Variants in LAMB4 observed in about 807,000 individuals in gnomAD.
LAMB4 encodes the protein laminin subunit beta-4.
In LAMB4, 196 loss-of-function variants were observed where a neutral mutation model predicts 199.2. The observed-to-expected ratio is 0.98, with a 90% CI of 0.88 to 1.11. The LOEUF (loss-of-function observed/expected upper bound fraction) is 1.11, where lower values mean the gene tolerates loss of function less well. Among genes scored for constraint, LAMB4 ranks in the 50% least tolerant of loss-of-function variants. The pLI is 0.00. For missense variants in LAMB4, 2,080 were observed against 2,171.2 expected, an observed-to-expected ratio of 0.96 and a Z score of 0.83; for synonymous variants, 744 against 770.6, an observed-to-expected ratio of 0.97 and a Z score of 0.57.
Position 108,049,403 on chromosome 7 carries a change from G to C in LAMB4, c.4045C>G (p.Leu1349Val), listed in dbSNP as rs1210593228. The C allele has an allele frequency of 1.3e-6, 2 of 1,592,798 alleles. No individual in the cohort carries two copies. The highest frequency in any genetic ancestry group is 1.7e-5 in the Admixed American group (1 of 59,952). The change falls in exon 27 of 34, where the codon CTA becomes GTA. Residue 1349 changes from leucine (L) to valine (V), a missense_variant. Physicochemically the swap from Leu to Val is conservative, Grantham distance 32. Coordinates refer to ENST00000388781, the MANE Select transcript of LAMB4 (RefSeq NM_007356.3). ...AATGACAAGTTTCCTTTTGAGGTTA[G>C]TGTATCTAAGATGGTAAGTAAGTCA... Reference protein sequence around the residue: ...RNDLLTILDTLTSKGNLSLER... With the variant: ...RNDLLTILDTVTSKGNLSLER...
chr7:108,124,464 A>G (rs1272552575), intron 1 of LAMB4, among the ~76,000 whole-genome samples: 1 of 152,150 alleles, frequency 6.6e-6, no homozygotes, highest in Non-Finnish European at 1.5e-5. Flanking sequence ...TAAAGATTGT[A>G]TATATATACA....
chr7:108,092,630 G>C (rs1030519348), intron 12 of LAMB4, among the ~76,000 whole-genome samples: 2 of 152,142 alleles, frequency 1.3e-5, no homozygotes, highest in Admixed American at 1.3e-4. Flanking sequence ...ACAGGGCTGG[G>C]TGCGGTGGCT....
chr7:108,031,331 CA>C (rs60572529), intron 31 of LAMB4, among the ~76,000 whole-genome samples: 355 of 14,952 alleles, frequency 0.024, 3 homozygotes, highest in African/African-American at 0.092. Context: ...TCAACAATAA[CA>C]AAAAAAAAAA....
At chr7:108,051,961 C>G (rs533302499) in intron 26 of LAMB4, 136 bp downstream of exon 26, 1 of 592,170 alleles carries the variant, frequency 1.7e-6, no homozygotes, top group African/African-American at 1.9e-5. Flanking sequence ...CAAATAATAC[C>G]TTTAATGGTT....
At chr7:108,052,032 T>C (rs1237463648) in intron 26 of LAMB4, 65 bp downstream of exon 26, 11 of 1,365,484 alleles carry the variant, frequency 8.1e-6, no homozygotes, top group African/African-American at 4.3e-5. Context: ...GACTCACTAA[T>C]GGAATGCACT....
intron 17 of LAMB4, among the ~76,000 whole-genome samples, chr7:108,073,929 G>A (rs1473168352): frequency 6.6e-6 from 1 of 152,172 alleles, no homozygotes; most frequent in Non-Finnish European, 1.5e-5. Context: ...CTGGTCCAGG[G>A]GTTTATGCAC....
chr7:108,014,903 G>A, the LAMB4 span, among the ~76,000 whole-genome samples: 1 of 151,960 alleles, frequency 6.6e-6, no homozygotes, highest in Non-Finnish European at 1.5e-5. Context: ...TTGTATTTTT[G>A]TAGAGACAGG....
chr7:108,016,275 ATTTT>A, the LAMB4 span, among the ~76,000 whole-genome samples: 1 of 97,832 alleles, frequency 1.0e-5, no homozygotes, highest in Non-Finnish European at 1.9e-5. Context: ...GCATTTTGGA[ATTTT>A]TTTTTTTTTT....
chr7:108,040,208 G>A (rs1640463785), intron 29 of LAMB4, among the ~76,000 whole-genome samples: 1 of 152,150 alleles, frequency 6.6e-6, no homozygotes, highest in Admixed American at 6.5e-5. Context: ...AACCAGGGAG[G>A]TGAAAGATCT....
chr7:108,027,137 T>C (rs569608506), intron 33 of LAMB4, among the ~76,000 whole-genome samples: 6 of 152,254 alleles, frequency 3.9e-5, no homozygotes, highest in African/African-American at 1.4e-4. Flanking sequence ...GGCCAAGTTC[T>C]AGGATAATAG....
chr7:108,097,516 C>T (rs755599002), intron 11 of LAMB4, among the ~76,000 whole-genome samples: 8 of 152,176 alleles, frequency 5.3e-5, no homozygotes, highest in Non-Finnish European at 8.8e-5. Context: ...CCGGGCATGG[C>T]GGCTCACGCC....
chr7:108,025,610 T>C (rs2034812732), intron 33 of LAMB4, among the ~76,000 whole-genome samples: 1 of 151,890 alleles, frequency 6.6e-6, no homozygotes, highest in Non-Finnish European at 1.5e-5. Context: ...GTACTTTTAG[T>C]AGAGATGGGG....
intron 2 of LAMB4, among the ~76,000 whole-genome samples, chr7:108,122,685 T>C (rs1407631870): frequency 6.6e-6 from 1 of 152,218 alleles, no homozygotes. Context: ...TGTAAATTGT[T>C]CTCAGCTTAT....
chr7:108,102,787 T>C (rs2037859230), intron 10 of LAMB4, among the ~76,000 whole-genome samples: 1 of 152,196 alleles, frequency 6.6e-6, no homozygotes, highest in South Asian at 2.1e-4. Flanking sequence ...CAGGCTTCCA[T>C]GATACTCAAG....
intron 17 of LAMB4, 35 bp downstream of exon 17, chr7:108,076,909 C>T (rs768463655): frequency 3.4e-5 from 54 of 1,607,774 alleles, no homozygotes; most frequent in South Asian, 1.4e-4. Flanking sequence ...TGCTTAGTAG[C>T]GAAGAAAGCA....
intron 30 of LAMB4, 37 bp from the exon 31 acceptor site, chr7:108,034,383 A>C: frequency 1.3e-6 from 2 of 1,497,380 alleles, no homozygotes; most frequent in East Asian, 2.3e-5. Flanking sequence ...TTAGATAAAT[A>C]CACAATTATT....
chr7:108,112,102 G>A (rs961066355), intron 3 of LAMB4, among the ~76,000 whole-genome samples, 156 bp from the exon 4 acceptor site: 14 of 152,138 alleles, frequency 9.2e-5, no homozygotes, highest in African/African-American at 3.1e-4. Context: ...CTATCAGTAG[G>A]TGCCTAAGTA....
intron 26 of LAMB4, among the ~76,000 whole-genome samples, 163 bp from the exon 27 acceptor site, chr7:108,049,694 T>C (rs2035765356): frequency 6.6e-6 from 1 of 152,192 alleles, no homozygotes; most frequent in Non-Finnish European, 1.5e-5. Flanking sequence ...GGGGGAAGGA[T>C]TAGCTATAGT....
intron 25 of LAMB4, among the ~76,000 whole-genome samples, chr7:108,054,171 C>T (rs949079275): frequency 6.6e-6 from 1 of 152,190 alleles, no homozygotes; most frequent in East Asian, 1.9e-4. Flanking sequence ...CTCCTGGCCT[C>T]AAGTGATCCT....
Sources: allele counts gnomAD v4.1 joint callset (sites outside exome capture counted in the v4.1 genomes callset), GRCh38; gene constraint gnomAD v4.1.1; transcripts MANE v1.5; gene names NCBI Gene and HGNC (gene_info 2026-07-23, HGNC 2026-07-21).